Variants in CEP57 observed in about 807,000 individuals in gnomAD.
The protein encoded by CEP57 is centrosomal protein of 57 kDa.
Under a neutral mutation model 68.0 loss-of-function variants are expected in CEP57, and 40 were observed. The ratio of observed to expected loss-of-function variants is 0.59; its 90% CI spans 0.46 to 0.77. The LOEUF (loss-of-function observed/expected upper bound fraction) is 0.77, where lower values mean the gene tolerates loss of function less well. Among genes scored for constraint, CEP57 ranks in the 30% least tolerant of loss-of-function variants. CEP57 has a pLI of 0.00. For synonymous variants in CEP57, 219 were observed against 198.7 expected, an observed-to-expected ratio of 1.10 and a Z score of -0.86; for missense variants, 606 against 580.7, an observed-to-expected ratio of 1.04 and a Z score of -0.45.
intron 2 of CEP57, among the ~76,000 whole-genome samples, chr11:95,808,261 A>C (rs954153684): frequency 6.6e-6 from 1 of 152,164 alleles, no homozygotes; most frequent in African/African-American, 2.4e-5. Flanking sequence ...CACTGCAAAA[A>C]CATGCCAAAT....
intron 8 of CEP57, among the ~76,000 whole-genome samples, chr11:95,824,693 AT>A (rs1242299399): frequency 6.6e-6 from 1 of 152,170 alleles, no homozygotes; most frequent in Non-Finnish European, 1.5e-5. Flanking sequence ...GCCACGAAGG[AT>A]ATTTATAAGT....
At chr11:95,799,129 G>T in intron 1 of CEP57, 103 bp from the exon 2 acceptor site, 1 of 1,149,948 alleles carries the variant, frequency 8.7e-7, no homozygotes, top group South Asian at 1.3e-5. Flanking sequence ...GATTTTTTCT[G>T]TTGTCTGTAT....
intron 2 of CEP57, among the ~76,000 whole-genome samples, chr11:95,804,583 G>A (rs1312708160): frequency 6.6e-6 from 1 of 152,158 alleles, no homozygotes; most frequent in African/African-American, 2.4e-5. Flanking sequence ...GCGGCCCGTG[G>A]TCTCAGGAAG....
chr11:95,796,016 GT>G (rs1861333888), intron 1 of CEP57, among the ~76,000 whole-genome samples: 1 of 152,156 alleles, frequency 6.6e-6, no homozygotes, highest in Non-Finnish European at 1.5e-5. Context: ...TTGAAGCAGT[GT>G]TCTGTTGAAT....
At chr11:95,827,606 A>T in intron 8 of CEP57, 180 bp from the exon 9 acceptor site, 1 of 695,126 alleles carries the variant, frequency 1.4e-6, no homozygotes, top group Non-Finnish European at 2.4e-6. Flanking sequence ...ATTCTGAAAC[A>T]TAGTTAGTGG....
chr11:95,813,398 C>A, intron 3 of CEP57, 70 bp from the exon 4 acceptor site: 1 of 1,561,634 alleles, frequency 6.4e-7, no homozygotes, highest in South Asian at 1.1e-5. Flanking sequence ...AGATCCAATT[C>A]CTGTTAACAG....
chr11:95,799,468 G>A, intron 2 of CEP57, 80 bp downstream of exon 2: 1 of 1,537,530 alleles, frequency 6.5e-7, no homozygotes, highest in South Asian at 1.1e-5. Context: ...CCATTATTTT[G>A]CCATTAGAGG....
chr11:95,806,440 A>G (rs1054757402), intron 2 of CEP57, among the ~76,000 whole-genome samples: 2 of 152,200 alleles, frequency 1.3e-5, no homozygotes, highest in Non-Finnish European at 2.9e-5. Flanking sequence ...TCACCCGGGA[A>G]GCGCAAGGGG....
chr11:95,828,289 TGC>T (rs1407729584), intron 9 of CEP57, among the ~76,000 whole-genome samples: 1 of 152,236 alleles, frequency 6.6e-6, no homozygotes, highest in Non-Finnish European at 1.5e-5. Flanking sequence ...TATACAGTCA[TGC>T]ATCACTGAAT....
At chr11:95,822,172 AT>A (rs1316658271) in intron 7 of CEP57, 194 bp downstream of exon 7, 1 of 606,788 alleles carries the variant, frequency 1.6e-6, no homozygotes, top group East Asian at 2.8e-5. Flanking sequence ...ATATATAAGC[AT>A]TTTGGAACTA....
chr11:95,799,951 TTC>T (rs1477680922), intron 2 of CEP57, among the ~76,000 whole-genome samples: 4 of 152,232 alleles, frequency 2.6e-5, no homozygotes, highest in Non-Finnish European at 5.9e-5. Flanking sequence ...CTAACTTGTC[TTC>T]TGTTTTTTCC....
chr11:95,828,421 C>T (rs1253266222), intron 9 of CEP57, among the ~76,000 whole-genome samples: 1 of 152,186 alleles, frequency 6.6e-6, no homozygotes, highest in Admixed American at 6.5e-5. Context: ...CAGCATGTTA[C>T]TCTACTACTA....
Position 95,813,042 on chromosome 11 carries a change from A to G in CEP57, c.313A>G (p.Lys105Glu). The G allele has an allele frequency of 6.2e-7, 1 of 1,613,880 alleles. No homozygotes were observed. Among genetic ancestry groups the G allele is most frequent in the Non-Finnish European group, 8.5e-7 (1 of 1,179,890 alleles). ...KTLSRETIEY[K>E]KVLDEQIQER... ...CTTGTCTAGAGAAACAATTGAATATAAGAAAGTACTGGATGAACAGATACA... is the reference window on the plus strand; with the variant it reads ...CTTGTCTAGAGAAACAATTGAATATGAGAAAGTACTGGATGAACAGATACA... The change falls in exon 3 of 11, where the codon AAG (lysine) becomes GAG (glutamate). Residue 105 changes from lysine to glutamate, a missense_variant. By Grantham distance (56) the Lys-to-Glu change is moderately conservative (BLOSUM62 1). Transcript: ENST00000325542.
intron 1 of CEP57, among the ~76,000 whole-genome samples, chr11:95,792,328 C>T (rs1036413245): frequency 6.6e-6 from 1 of 152,140 alleles, no homozygotes; most frequent in Non-Finnish European, 1.5e-5. Flanking sequence ...ACAAGGAATA[C>T]TCTTACAAAT....
At chr11:95,804,941 CAATA>C in intron 2 of CEP57, among the ~76,000 whole-genome samples, 1 of 151,976 alleles carries the variant, frequency 6.6e-6, no homozygotes, top group African/African-American at 2.4e-5. Context: ...AAAAAGAAAA[CAATA>C]AAACGTTACG....
At chr11:95,810,082 A>C (rs956885217) in intron 2 of CEP57, among the ~76,000 whole-genome samples, 2 of 152,242 alleles carry the variant, frequency 1.3e-5, no homozygotes, top group African/African-American at 4.8e-5. Flanking sequence ...TCATATAAAC[A>C]GAACCAAAGA....
intron 2 of CEP57, among the ~76,000 whole-genome samples, chr11:95,811,444 G>A (rs563161553): frequency 7.2e-6 from 1 of 138,160 alleles, no homozygotes; most frequent in Non-Finnish European, 1.6e-5. Flanking sequence ...TTGGGGGGAG[G>A]GGGGAGGGAT....
At chr11:95,809,432 TC>T (rs1442395114) in intron 2 of CEP57, among the ~76,000 whole-genome samples, 2 of 151,512 alleles carry the variant, frequency 1.3e-5, no homozygotes, top group Non-Finnish European at 3.0e-5. Flanking sequence ...TTTGAAAAGA[TC>T]AAAATTGATA....
intron 2 of CEP57, among the ~76,000 whole-genome samples, chr11:95,807,395 A>G (rs1274098214): frequency 6.6e-6 from 1 of 152,136 alleles, no homozygotes; most frequent in Non-Finnish European, 1.5e-5. Flanking sequence ...GAAGGCTTCA[A>G]ACGATCGGTG....
Sources: gnomAD v4.1 joint callset for allele counts (sites outside exome capture counted in the v4.1 genomes callset) on GRCh38, gnomAD v4.1.1 for gene constraint, MANE v1.5 for transcripts, NCBI Gene and HGNC (gene_info 2026-07-23, HGNC 2026-07-21) for gene names.